The following SAMD15 variants were observed in gnomAD, a reference collection of about 807,000 sequenced individuals.
SAMD15 encodes the protein sterile alpha motif domain containing 15.
A neutral mutation model predicts 50.5 loss-of-function variants in SAMD15; 37 were observed. The ratio of observed to expected loss-of-function variants is 0.73; its 90% confidence interval spans 0.56 to 0.96. SAMD15 has a LOEUF of 0.96. Ranked by LOEUF, SAMD15 falls within the 40% of genes least tolerant of loss-of-function variation. The pLI is 0.00. For missense variants in SAMD15, 789 were observed against 783.8 expected (o/e 1.01, Z -0.08); for synonymous variants, 255 against 282.8 (o/e 0.90, Z 0.99).
In SAMD15 at chr14:77,391,824, C is replaced by T. The variant is rs181961023; in HGVS notation, c.*580C>T. Among the ~76,000 whole-genome samples, 9 of 152,112 alleles carry T rather than the reference C, an allele frequency of 5.9e-5. No homozygotes were observed. The highest frequency in any genetic ancestry group is 9.6e-5 in the African/African-American group (4 of 41,510). ...ATCCTAGCTCTTTGGGTGGCTGAGGCGGGCAGATCACCTAAGGTCAGGATT... is the reference window on the plus strand; with the variant it reads ...ATCCTAGCTCTTTGGGTGGCTGAGGTGGGCAGATCACCTAAGGTCAGGATT... On this transcript the variant is annotated 3_prime_UTR_variant, in exon 3 of 3. Coordinates refer to ENST00000216471, the MANE Select transcript of SAMD15 (RefSeq NM_001010860.4).
chr14:77,380,988 T>G (rs558069602), intron 2 of SAMD15, among the ~76,000 whole-genome samples: 1 of 152,304 alleles, frequency 6.6e-6, no homozygotes, highest in African/African-American at 2.4e-5. Flanking sequence ...GTCTAACACC[T>G]TCGCAAACCT....
At chr14:77,384,528 C>T (rs962991582) in intron 2 of SAMD15, among the ~76,000 whole-genome samples, 1 of 152,052 alleles carries the variant, frequency 6.6e-6, no homozygotes, top group African/African-American at 2.4e-5. Context: ...TCAAATTGTG[C>T]CATCTTTCAC....
chr14:77,378,811 C>T lies in SAMD15; in HGVS notation c.1393C>T (p.Leu465Phe), dbSNP rs1369232006. 2 of 1,613,148 alleles carry T rather than the reference C, an allele frequency of 1.2e-6. No individual in the cohort carries two copies. The highest frequency in any genetic ancestry group is 2.7e-5 in the African/African-American group (2 of 74,858). The change falls in exon 1 of 3, where the codon CTC becomes TTC. Residue 465 changes from leucine (L) to phenylalanine (F), a missense_variant. By Grantham distance (22) the Leu-to-Phe change is conservative (BLOSUM62 0). Transcript: ENST00000216471. ...FRKEYYALGS[L>F]RESEESIGTH... The stretch of plus-strand genomic sequence containing the variant: ...AAAAGAATATTACGCATTAGGATCT[C>T]TCAGAGAAAGTGAAGAATCAATTGG...
chr14:77,384,398 T>A (rs1454422568), intron 2 of SAMD15, among the ~76,000 whole-genome samples: 1 of 152,232 alleles, frequency 6.6e-6, no homozygotes, highest in African/African-American at 2.4e-5. Flanking sequence ...GGAATTCTTC[T>A]ACATTTAATT....
intron 2 of SAMD15, among the ~76,000 whole-genome samples, chr14:77,385,073 C>T (rs1893988820): frequency 6.6e-6 from 1 of 151,808 alleles, no homozygotes; most frequent in Non-Finnish European, 1.5e-5. Flanking sequence ...ATCCCAGCTA[C>T]TAGGGAGGCA....
Position 77,391,194 on chromosome 14 carries a change from G to C in SAMD15, c.1975G>C (p.Glu659Gln). The C allele has an allele frequency of 6.2e-7, 1 of 1,613,954 alleles. No individual in the cohort carries two copies. Among genetic ancestry groups the C allele is most frequent in the African/African-American group, 1.3e-5 (1 of 75,030 alleles). ...KAAGLQDYAP[E>Q]ITAPEENEEL... is the part of the protein sequence containing the mutation. ...AGCAGGATTACAGGATTATGCTCCA[G>C]AAATAACTGCCCCTGAAGAGAATGA... Residue 659 changes from glutamate to glutamine, a missense_variant, in exon 3 of 3, where the codon GAA (glutamate) becomes CAA (glutamine). Physicochemically the swap from Glu to Gln is conservative, Grantham distance 29. Transcript: ENST00000216471.
At chr14:77,381,866 GA>G (rs1893946463) in intron 2 of SAMD15, among the ~76,000 whole-genome samples, 1 of 152,132 alleles carries the variant, frequency 6.6e-6, no homozygotes, top group Non-Finnish European at 1.5e-5. Context: ...CCATTTTATA[GA>G]AAACTGGGGC....
At chr14:77,388,288 TA>T (rs1314893280) in intron 2 of SAMD15, among the ~76,000 whole-genome samples, 4 of 152,052 alleles carry the variant, frequency 2.6e-5, no homozygotes, top group Admixed American at 2.6e-4. Context: ...TGGCAGCACA[TA>T]TACTAAAAGA....
rs1893930834 is a variant in SAMD15, at chr14:77,380,433, C to T, written c.1740C>T (p.Asn580=). 1 of 1,613,960 alleles carries T rather than the reference C, an allele frequency of 6.2e-7. No individual in the cohort carries two copies. The highest frequency in any genetic ancestry group is 1.7e-5 in the Admixed American group (1 of 60,028). Residue 580 remains asparagine (N), a synonymous_variant, in exon 2 of 3, where the codon AAC becomes AAT. Coordinates refer to ENST00000216471, the MANE Select transcript of SAMD15 (RefSeq NM_001010860.4). ...FISGRKLIHV[N]CSNLPQMGIT... ...GTGGCCGAAAACTCATTCACGTCAA[C>T]TGCTCAAACCTCCCTCAGATGGGGA...
At chr14:77,389,461 T>C (rs1222563414) in intron 2 of SAMD15, among the ~76,000 whole-genome samples, 1 of 151,224 alleles carries the variant, frequency 6.6e-6, no homozygotes, top group Non-Finnish European at 1.5e-5. Context: ...ATAACTGACC[T>C]AGGATTAAAA....
At chr14:77,383,976 T>TC (rs1189164566) in intron 2 of SAMD15, among the ~76,000 whole-genome samples, 1 of 37,478 alleles carries the variant, frequency 2.7e-5, no homozygotes, top group African/African-American at 2.0e-4. Flanking sequence ...AGACTCAGTC[T>TC]CAAAAAAAAA....
intron 2 of SAMD15, 38 bp from the exon 3 acceptor site, chr14:77,390,970 C>G (rs1326993385): frequency 1.6e-6 from 2 of 1,218,224 alleles, no homozygotes; most frequent in East Asian, 2.3e-5. Context: ...GTTGTGTTTT[C>G]AGGTTAGTCT....
intron 2 of SAMD15, among the ~76,000 whole-genome samples, chr14:77,387,527 A>C (rs940377411): frequency 6.6e-6 from 1 of 152,216 alleles, no homozygotes; most frequent in Non-Finnish European, 1.5e-5. Context: ...AACTTCAGAC[A>C]CACTTTTAAA....
chr14:77,378,821 G>GTGAAGAATCAATTGGCTC lies in SAMD15; in HGVS notation c.1418_1419insCTCTGAAGAATCAATTGG (p.Ser468_Gly473dup), dbSNP rs1341574172. 16 of 1,613,496 alleles carry GTGAAGAATCAATTGGCTC rather than the reference G, an allele frequency of 9.9e-6. No homozygotes were observed. The highest frequency in any genetic ancestry group is 1.4e-5 in the Non-Finnish European group (16 of 1,179,874). On this transcript the variant is annotated inframe_insertion, in exon 1 of 3. Transcript: ENST00000216471. ...TACGCATTAGGATCTCTCAGAGAAAGTGAAGAATCAATTGGTACACATTAT... is the reference window on the plus strand; with the variant it reads ...TACGCATTAGGATCTCTCAGAGAAAGTGAAGAATCAATTGGCTCTGAAGAATCAATTGGTACACATTAT...
chr14:77,378,523 G>C lies in SAMD15; in HGVS notation c.1105G>C (p.Glu369Gln). 1 of 1,613,264 alleles carries C rather than the reference G, an allele frequency of 6.2e-7. No homozygotes were observed. The highest frequency in any genetic ancestry group is 8.5e-7 in the Non-Finnish European group (1 of 1,179,846). ...ESPEEIRKSN[E>Q]KKNPQPPEET... ...TCCAGAAGAGATAAGAAAGTCAAAT[G>C]AGAAAAAAAATCCACAGCCACCAGA... The change falls in exon 1 of 3, where the codon GAG becomes CAG. Residue 369 changes from glutamate to glutamine, a missense_variant. By Grantham distance (29) the Glu-to-Gln change is conservative. Around this residue, in one of 2 missense-constraint regions of SAMD15, gnomAD observed 770 missense variants for 745.4 expected, o/e 1.03. Transcript: ENST00000216471.
chr14:77,383,615 TAAAGACCAAGACATCCAA>T (rs1299384002), intron 2 of SAMD15, among the ~76,000 whole-genome samples: 4 of 152,088 alleles, frequency 2.6e-5, no homozygotes. Context: ...TAGAGTAACA[TAAAGACCAAGACATCCAA>T]AGGTTACGTT....
intron 2 of SAMD15, among the ~76,000 whole-genome samples, chr14:77,390,195 C>A (rs1398069551): frequency 6.6e-6 from 1 of 151,944 alleles, no homozygotes; most frequent in East Asian, 2.0e-4. Flanking sequence ...AGGGTTTCAC[C>A]ATGTTGGCCA....
chr14:77,379,552 C>T (rs944644092), intron 1 of SAMD15, among the ~76,000 whole-genome samples: 11 of 152,054 alleles, frequency 7.2e-5, no homozygotes, highest in South Asian at 2.1e-4. Flanking sequence ...CCACCATGCG[C>T]GGCTAATTTT....
intron 2 of SAMD15, among the ~76,000 whole-genome samples, chr14:77,380,865 C>T (rs549203261): frequency 6.6e-6 from 1 of 152,108 alleles, no homozygotes; most frequent in Non-Finnish European, 1.5e-5. Context: ...TTCTTTGGAT[C>T]CCTTCTGCTT....
Sources: allele counts gnomAD v4.1 joint callset (sites outside exome capture counted in the v4.1 genomes callset), GRCh38; gene constraint gnomAD v4.1.1; regional missense constraint gnomAD v4.1.1; transcripts MANE v1.5; gene names NCBI Gene and HGNC (gene_info 2026-07-23, HGNC 2026-07-21).